ROBO1: variants seen among roughly 807,000 people sequenced by gnomAD.
ROBO1 encodes roundabout homolog 1.
ROBO1 carries 149 observed loss-of-function variants against 195.9 expected under a neutral mutation model. The observed-to-expected ratio is 0.76, with a 90% CI of 0.67 to 0.87. ROBO1 has a LOEUF of 0.87. Ranked by LOEUF, ROBO1 falls within the 40% of genes least tolerant of loss-of-function variation. The pLI is 0.00. For synonymous variants in ROBO1, 816 were observed against 733.2 expected (o/e 1.11, Z -1.82); for missense variants, 1,933 against 2,068.3 (o/e 0.93, Z 1.27).
chr3:78,769,461 T>C (rs1310934468), intron 4 of ROBO1, among the ~76,000 whole-genome samples: 2 of 152,108 alleles, frequency 1.3e-5, no homozygotes, highest in Non-Finnish European at 2.9e-5. Flanking sequence ...TTGTGTTAGG[T>C]GAGTCTCCTG....
chr3:79,442,107 AT>A (rs1173086202), intron 2 of ROBO1, among the ~76,000 whole-genome samples: 6 of 152,196 alleles, frequency 3.9e-5, no homozygotes, highest in Non-Finnish European at 7.4e-5. Flanking sequence ...ATGCAAATAA[AT>A]AAATAATAAA....
intron 2 of ROBO1, among the ~76,000 whole-genome samples, chr3:79,306,470 T>C (rs983341806): frequency 6.6e-6 from 1 of 152,244 alleles, no homozygotes; most frequent in Non-Finnish European, 1.5e-5. Flanking sequence ...TCTATCTTTA[T>C]TTGTGATCGG....
intron 2 of ROBO1, among the ~76,000 whole-genome samples, chr3:79,572,384 C>T (rs1943307557): frequency 6.6e-6 from 1 of 151,918 alleles, no homozygotes; most frequent in Admixed American, 6.6e-5. Flanking sequence ...ACTGAATATT[C>T]ATGACATAAT....
intron 2 of ROBO1, among the ~76,000 whole-genome samples, chr3:79,507,382 CCTCT>C (rs1284923849): frequency 3.9e-5 from 6 of 152,262 alleles, no homozygotes; most frequent in African/African-American, 1.4e-4. Flanking sequence ...CACTGACTTT[CCTCT>C]CTATTGAAAT....
At chr3:79,096,310 CAGA>C (rs2079565409) in intron 3 of ROBO1, among the ~76,000 whole-genome samples, 2 of 151,998 alleles carry the variant, frequency 1.3e-5, no homozygotes, top group Admixed American at 6.6e-5. Context: ...TAGATAATCT[CAGA>C]AGATCTCTAG....
intron 2 of ROBO1, among the ~76,000 whole-genome samples, chr3:79,237,591 A>G (rs2082435288): frequency 6.6e-6 from 1 of 152,176 alleles, no homozygotes; most frequent in South Asian, 2.1e-4. Flanking sequence ...ATGCATGATG[A>G]GAATGACCTG....
intron 2 of ROBO1, among the ~76,000 whole-genome samples, chr3:79,432,340 T>C (rs975859613): frequency 7.9e-5 from 12 of 152,162 alleles, no homozygotes; most frequent in African/African-American, 2.2e-4. Context: ...CAAATATTTT[T>C]ATGTGTTCCA....
intron 3 of ROBO1, among the ~76,000 whole-genome samples, chr3:79,113,674 G>A (rs2108540158): frequency 6.6e-6 from 1 of 152,112 alleles, no homozygotes; most frequent in South Asian, 2.1e-4. Context: ...GGCTGAGGCA[G>A]GATAATCGCT....
intron 4 of ROBO1, among the ~76,000 whole-genome samples, chr3:78,779,410 G>C (rs2083604679): frequency 6.6e-6 from 1 of 151,966 alleles, no homozygotes; most frequent in Non-Finnish European, 1.5e-5. Context: ...AAACTTACAA[G>C]AAAAAAGCAA....
chr3:79,565,514 T>TA (rs1342643157), intron 2 of ROBO1, among the ~76,000 whole-genome samples: 2 of 152,086 alleles, frequency 1.3e-5, no homozygotes, highest in African/African-American at 4.8e-5. Flanking sequence ...GCCAAACCTG[T>TA]ATTTGCCCAA....
intron 1 of ROBO1, among the ~76,000 whole-genome samples, chr3:79,735,516 T>A (rs1389743520): frequency 1.3e-5 from 2 of 152,212 alleles, no homozygotes; most frequent in Non-Finnish European, 2.9e-5. Context: ...TTCTTGGCTT[T>A]AAAATGAATA....
rs11357932 is a variant in ROBO1 at position 79,523,472 on chromosome 3, C to CT, written c.88+66351dup. 3.6e-3 allele frequency among the ~76,000 whole-genome samples: 365 copies of CT among 100,384 alleles called. 3 individuals are homozygous for CT. Among genetic ancestry groups the CT allele is most frequent in the South Asian group, 0.03 (98 of 3,230 alleles). The allele number at this position is 100,384 out of a possible 152,430, so 65.9% of individuals were successfully genotyped here. A position where few individuals can be genotyped will look rare whatever the true frequency, so the allele number is the denominator to read the frequency against. Reference sequence around the variant, plus strand: ...TTGCATTTTTCTTTCTTTTTTTTTTCTTTTTTTTTTTTTTTTTGAGAAGGA... The same window carrying CT: ...TTGCATTTTTCTTTCTTTTTTTTTTCTTTTTTTTTTTTTTTTTTGAGAAGGA... On this transcript the variant is annotated intron_variant, in intron 2 of 30. Transcript: ENST00000464233.
intron 1 of ROBO1, among the ~76,000 whole-genome samples, chr3:79,635,983 T>A (rs1945484765): frequency 6.6e-6 from 1 of 152,168 alleles, no homozygotes. Flanking sequence ...TTCTTTCACT[T>A]ACTTTTGCCA....
In ROBO1 at chr3:79,137,920, T is replaced by C. The variant is rs148677243; in HGVS notation, c.89-12381A>G. Among the ~76,000 whole-genome samples the C allele has an allele frequency of 2.6e-5, 4 of 152,212 alleles. No individual in the cohort carries two copies. The East Asian group carries it at 7.7e-4, about 29-fold the overall frequency. ...GATTGGATAATTTCACAAATCTATT[T>C]CTGAGGTCCATTAAGCATATCACCA... On this transcript the variant is annotated intron_variant, in intron 2 of 30. Transcript: ENST00000464233.
At chr3:79,395,340 A>AAGAAAGAAAG (rs1553733528) in intron 2 of ROBO1, among the ~76,000 whole-genome samples, 1 of 119,062 alleles carries the variant, frequency 8.4e-6, no homozygotes, top group African/African-American at 3.1e-5. Context: ...AAAAAAAAAA[A>AAGAAAGAAAG]AAAGAAAGAA....
At position 78,617,705 on chromosome 3, in the gene ROBO1, G is replaced by T. The variant is rs770425950; in HGVS notation, c.4212C>A (p.Ala1404=). 1.9e-6 allele frequency: 3 copies of T among 1,613,846 alleles called. No homozygotes were observed. The highest frequency in any genetic ancestry group is 2.7e-5 in the African/African-American group (2 of 74,920). ...DGSFFTDADF[A]QAVAAAAEYA... ...ACTCTGCCGCTGCTGCGACTGCCTG[G>T]GCAAAGTCAGCATCAGTGAAAAAGG... is the stretch of plus-strand genomic sequence containing the variant. The change falls in exon 27 of 31, where the codon GCC becomes GCA. Residue 1404 remains alanine, a synonymous_variant. Coordinates refer to ENST00000464233, the MANE Select transcript of ROBO1 (RefSeq NM_002941.4).
chr3:79,422,823 T>C (rs1341924789), intron 2 of ROBO1, among the ~76,000 whole-genome samples: 1 of 152,120 alleles, frequency 6.6e-6, no homozygotes, highest in Non-Finnish European at 1.5e-5. Flanking sequence ...TCAAGAGTAC[T>C]TTATCTTTGC....
At chr3:78,615,727 T>C (rs745783932) in intron 27 of ROBO1, among the ~76,000 whole-genome samples, 3 of 152,186 alleles carry the variant, frequency 2.0e-5, no homozygotes, top group Non-Finnish European at 2.9e-5. Flanking sequence ...CGACAACATG[T>C]CTTTTGGCTA....
At chr3:79,665,066 G>A (rs1481192263) in intron 1 of ROBO1, among the ~76,000 whole-genome samples, 1 of 151,610 alleles carries the variant, frequency 6.6e-6, no homozygotes, top group African/African-American at 2.4e-5. Context: ...TCTTTAATTA[G>A]GTTCCCTTTC....
Sources: gnomAD v4.1 joint callset for allele counts (sites outside exome capture counted in the v4.1 genomes callset) on GRCh38, gnomAD v4.1.1 for gene constraint, MANE v1.5 for transcripts, NCBI Gene and HGNC (gene_info 2026-07-23, HGNC 2026-07-21) for gene names.